Variants in LRRIQ1 observed in about 807,000 individuals in gnomAD.
The protein encoded by LRRIQ1 is leucine rich repeats and IQ motif containing 1.
LRRIQ1 carries 210 observed loss-of-function variants against 211.9 expected under a neutral mutation model. The observed-to-expected ratio is 0.99, with a 90% CI of 0.89 to 1.11. The LOEUF (loss-of-function observed/expected upper bound fraction) is 1.11. Ranked by LOEUF, LRRIQ1 falls within the 50% of genes most tolerant of loss-of-function variation. LRRIQ1 has a pLI of 0.00. For synonymous variants in LRRIQ1, 699 were observed against 650.1 expected (o/e 1.08, Z -1.14); for missense variants, 2,136 against 1,939.5 (o/e 1.10, Z -1.90).
intron 24 of LRRIQ1, among the ~76,000 whole-genome samples, chr12:85,203,781 G>A (rs369043237): frequency 6.6e-6 from 1 of 152,030 alleles, no homozygotes; most frequent in African/African-American, 2.4e-5. Context: ...GCTGTAAAAG[G>A]CATTCTGTTT....
intron 11 of LRRIQ1, among the ~76,000 whole-genome samples, chr12:85,083,923 A>G (rs1884554625): frequency 6.6e-6 from 1 of 152,100 alleles, no homozygotes. Context: ...GTATTTTTAT[A>G]TGTCAGTAAT....
intron 11 of LRRIQ1, among the ~76,000 whole-genome samples, chr12:85,082,066 G>A (rs1371935530): frequency 1.3e-5 from 2 of 152,012 alleles, no homozygotes; most frequent in African/African-American, 2.4e-5. Context: ...TCCTTTTGAT[G>A]TAGATCCTTT....
chr12:85,251,599 C>G (rs568054861), intron 1 of LRRIQ1, among the ~76,000 whole-genome samples: 1 of 151,926 alleles, frequency 6.6e-6, no homozygotes, highest in Admixed American at 6.6e-5. Flanking sequence ...TAAAGGCAGC[C>G]TGGCATAGTG....
intron 1 of LRRIQ1, among the ~76,000 whole-genome samples, chr12:85,261,207 T>C (rs1489925371): frequency 6.6e-6 from 1 of 152,174 alleles, no homozygotes; most frequent in Non-Finnish European, 1.5e-5. Context: ...GCATGTCCTG[T>C]ACTTAATCAT....
chr12:85,194,366 A>G (rs1205356516), intron 24 of LRRIQ1, among the ~76,000 whole-genome samples: 2 of 132,098 alleles, frequency 1.5e-5, no homozygotes, highest in Admixed American at 8.1e-5. Flanking sequence ...TCAACAGAAT[A>G]TACATTTTTT....
chr12:85,217,518 G>A lies in LRRIQ1; in HGVS notation c.4823-11999G>A, dbSNP rs867888691. 9.7e-3 allele frequency among the ~76,000 whole-genome samples: 826 copies of A among 85,362 alleles called. 34 individuals are homozygous for A. The African/African-American group carries it at 0.099, about 10-fold the overall frequency. The allele number at this position is 85,362 out of a possible 152,430, so 56.0% of individuals were successfully genotyped here. A position where few individuals can be genotyped will look rare whatever the true frequency, so the allele number is the denominator to read the frequency against. On this transcript the variant is annotated intron_variant, in intron 24 of 26. Coordinates refer to ENST00000393217, the MANE Select transcript of LRRIQ1 (RefSeq NM_001079910.2). ...TATATATATATATATATGTGTGTGT[G>A]TGTGTGTGTGTGTGTGTGTGTGTGT...
At chr12:85,205,246 G>T (rs1272490333) in intron 24 of LRRIQ1, among the ~76,000 whole-genome samples, 1 of 152,098 alleles carries the variant, frequency 6.6e-6, no homozygotes, top group Non-Finnish European at 1.5e-5. Context: ...TCTTTCTTTT[G>T]TAAATTTCCC....
intron 20 of LRRIQ1, 41 bp downstream of exon 20, chr12:85,152,410 C>G: frequency 6.7e-7 from 1 of 1,492,556 alleles, no homozygotes; most frequent in South Asian, 1.2e-5. Flanking sequence ...GATCTTTGCT[C>G]ATTTCTTAAG....
At chr12:85,259,909 G>T (rs1310585963) in intron 1 of LRRIQ1, among the ~76,000 whole-genome samples, 1 of 151,694 alleles carries the variant, frequency 6.6e-6, no homozygotes, top group Non-Finnish European at 1.5e-5. Context: ...AATATTGGGG[G>T]GAAATGTACC....
chr12:85,149,622 C>T (rs1297869691), intron 19 of LRRIQ1, among the ~76,000 whole-genome samples: 2 of 151,674 alleles, frequency 1.3e-5, no homozygotes, highest in African/African-American at 4.8e-5. Flanking sequence ...AACTCCTAGC[C>T]AATTCCTCCT....
At chr12:85,099,857 A>C (rs758329171) in intron 13 of LRRIQ1, among the ~76,000 whole-genome samples, 14 of 151,802 alleles carry the variant, frequency 9.2e-5, no homozygotes, top group Non-Finnish European at 1.9e-4. Context: ...ATACTAAATG[A>C]CTTAACTTCC....
chr12:85,094,795 T>G (rs1270980617), intron 11 of LRRIQ1, among the ~76,000 whole-genome samples: 1 of 152,098 alleles, frequency 6.6e-6, no homozygotes, highest in African/African-American at 2.4e-5. Context: ...TCAGTGGTGC[T>G]TTGTAGTTCT....
chr12:85,252,285 A>G (rs946887637), intron 1 of LRRIQ1, among the ~76,000 whole-genome samples: 3 of 151,922 alleles, frequency 2.0e-5, no homozygotes, highest in African/African-American at 2.4e-5. Context: ...GTAGTTTTCT[A>G]TTGAAAAGTC....
intron 26 of LRRIQ1, among the ~76,000 whole-genome samples, chr12:85,244,380 T>C (rs1309328385): frequency 2.0e-5 from 3 of 151,560 alleles, no homozygotes; most frequent in African/African-American, 7.3e-5. Flanking sequence ...ATAAGACTAA[T>C]ACATATAAGT....
chr12:85,170,629 G>T (rs530343196), intron 24 of LRRIQ1, among the ~76,000 whole-genome samples: 1 of 151,414 alleles, frequency 6.6e-6, no homozygotes, highest in South Asian at 2.1e-4. Flanking sequence ...AGAGTTTTTT[G>T]AAATGGACCA....
chr12:85,249,260 G>A (rs1476490714), downstream of LRRIQ1, among the ~76,000 whole-genome samples: 3 of 151,728 alleles, frequency 2.0e-5, no homozygotes, highest in Non-Finnish European at 2.9e-5. Flanking sequence ...GGATATTGAA[G>A]TTTATTTCAA....
intron 25 of LRRIQ1, among the ~76,000 whole-genome samples, chr12:85,230,049 T>G (rs1295752569): frequency 6.6e-6 from 1 of 152,220 alleles, no homozygotes; most frequent in Non-Finnish European, 1.5e-5. Context: ...TTACCAGTCA[T>G]GTAATTCATT....
intron 11 of LRRIQ1, among the ~76,000 whole-genome samples, chr12:85,080,713 T>C (rs1884192249): frequency 1.3e-5 from 2 of 151,456 alleles, no homozygotes; most frequent in South Asian, 4.2e-4. Context: ...TTTTATAGTA[T>C]CTAGTATTCA....
chr12:85,184,757 A>C (rs536106624), intron 24 of LRRIQ1, among the ~76,000 whole-genome samples: 3 of 151,960 alleles, frequency 2.0e-5, no homozygotes, highest in African/African-American at 7.2e-5. Flanking sequence ...TAATGTTATG[A>C]AATGTTAATT....
Sources: allele counts gnomAD v4.1 joint callset (sites outside exome capture counted in the v4.1 genomes callset), GRCh38; gene constraint gnomAD v4.1.1; transcripts MANE v1.5; gene names NCBI Gene and HGNC (gene_info 2026-07-23, HGNC 2026-07-21).